The following EML5 variants were observed in gnomAD, a reference collection of about 807,000 sequenced individuals.
The protein encoded by EML5 is echinoderm microtubule-associated protein-like 5.
A neutral mutation model predicts 250.0 loss-of-function variants in EML5; 120 were observed. The observed-to-expected ratio is 0.48, with a 90% CI of 0.41 to 0.56. EML5 has a LOEUF of 0.56. Ranked by LOEUF, EML5 falls within the 20% of genes least tolerant of loss-of-function variation. The pLI is 0.00. For missense variants in EML5, 2,006 were observed against 2,437.6 expected (o/e 0.82, Z 3.73); for synonymous variants, 771 against 806.5 (o/e 0.96, Z 0.75).
At chr14:88,734,387 T>C (rs1185333143) in intron 7 of EML5, among the ~76,000 whole-genome samples, 1 of 152,130 alleles carries the variant, frequency 6.6e-6, no homozygotes, top group Non-Finnish European at 1.5e-5. Context: ...ATTTAGGCCA[T>C]GCATTCTCAA....
chr14:88,634,001 T>A (rs761218019), intron 33 of EML5, among the ~76,000 whole-genome samples: 1 of 152,176 alleles, frequency 6.6e-6, no homozygotes, highest in Non-Finnish European at 1.5e-5. Flanking sequence ...GCAAGTTTTT[T>A]ATAGAGTAAC....
intron 1 of EML5, among the ~76,000 whole-genome samples, chr14:88,759,698 A>AAAAAAAC (rs1555374468): frequency 7.0e-6 from 1 of 142,112 alleles, no homozygotes; most frequent in Non-Finnish European, 1.5e-5. Flanking sequence ...AAAAAAAAAA[A>AAAAAAAC]AAAAAACTGG....
In EML5 at chr14:88,652,873, C is replaced by T. The variant is rs370216270; in HGVS notation, c.4005-2947G>A. ...CAGAGACTTTATTAAAAAGTGATCT[C>T]TAAATTACTTTGGGCAGTATGGCCA... On this transcript the variant is annotated intron_variant, in intron 27 of 43. Transcript: ENST00000554922. Among the ~76,000 whole-genome samples, 348 of 152,212 alleles carry T rather than the reference C, an allele frequency of 2.3e-3. 2 individuals carry two copies. Among genetic ancestry groups the T allele is most frequent in the Middle Eastern group, 3.4e-3 (1 of 294 alleles).
chr14:88,776,489 C>T (rs1020973063), intron 1 of EML5, among the ~76,000 whole-genome samples: 1 of 151,822 alleles, frequency 6.6e-6, no homozygotes, highest in Non-Finnish European at 1.5e-5. Context: ...AAGAATGCAT[C>T]CAAGTCCTTT....
At chr14:88,709,977 T>C (rs2093377424) in intron 10 of EML5, among the ~76,000 whole-genome samples, 1 of 152,198 alleles carries the variant, frequency 6.6e-6, no homozygotes, top group Non-Finnish European at 1.5e-5. Context: ...ATATAAATTT[T>C]CATTTGTCAA....
intron 1 of EML5, among the ~76,000 whole-genome samples, chr14:88,768,306 G>A (rs1304686998): frequency 6.6e-6 from 1 of 152,286 alleles, no homozygotes; most frequent in East Asian, 1.9e-4. Flanking sequence ...GATACTGTGA[G>A]ACTATGCAAA....
Position 88,722,699 on chromosome 14 carries a change from G to A in EML5, c.1187+3842C>T, listed in dbSNP as rs144315929. Among the ~76,000 whole-genome samples the A allele has an allele frequency of 4.6e-3, 702 of 152,148 alleles. 5 individuals carry two copies. Among genetic ancestry groups the A allele is most frequent in the Non-Finnish European group, 7.6e-3 (515 of 68,012 alleles). ...ATTTATGCCTAGTGCTCCATTACTG[G>A]AACGCTAAGCTTGTGGGAATTATTT... is the stretch of plus-strand genomic sequence containing the variant. On this transcript the variant is annotated intron_variant, in intron 8 of 43. Coordinates refer to ENST00000554922, the MANE Select transcript of EML5 (RefSeq NM_183387.3).
chr14:88,681,607 C>T (rs2092714838), intron 21 of EML5, among the ~76,000 whole-genome samples: 1 of 152,116 alleles, frequency 6.6e-6, no homozygotes, highest in African/African-American at 2.4e-5. Context: ...AATCCATAGT[C>T]ACAAAGGAGA....
At chr14:88,773,064 T>A (rs550114940) in intron 1 of EML5, among the ~76,000 whole-genome samples, 5 of 152,260 alleles carry the variant, frequency 3.3e-5, no homozygotes, top group African/African-American at 1.2e-4. Flanking sequence ...GGTATCTGCA[T>A]GCCAGTGTTA....
At chr14:88,647,040 T>C in intron 28 of EML5, 85 bp from the exon 29 acceptor site, 1 of 1,307,332 alleles carries the variant, frequency 7.6e-7, no homozygotes. Flanking sequence ...TGTAATAAAA[T>C]ATTTTAACAA....
intron 1 of EML5, among the ~76,000 whole-genome samples, chr14:88,789,194 TCTAGA>T (rs1171503619): frequency 8.5e-5 from 13 of 152,112 alleles, no homozygotes; most frequent in Admixed American, 7.2e-4. Context: ...TAGTCTTAAA[TCTAGA>T]CTAGAGATTT....
At chr14:88,709,187 C>T (rs1290957488) in intron 10 of EML5, among the ~76,000 whole-genome samples, 1 of 151,610 alleles carries the variant, frequency 6.6e-6, no homozygotes, top group Non-Finnish European at 1.5e-5. Flanking sequence ...CTTTCTGACC[C>T]TAGTAAAAGT....
In EML5 at chr14:88,792,537, C is replaced by T; in HGVS notation, c.-34G>A. The stretch of plus-strand genomic sequence containing the variant: ...GCCCACCCGCCGCTCCCGCTCGGGC[C>T]CGCGGCGGCGACGGGAGGCGGCGGC... On this transcript the variant is annotated 5_prime_UTR_variant, in exon 1 of 44. Coordinates refer to ENST00000554922, the MANE Select transcript of EML5 (RefSeq NM_183387.3). The surrounding 1 kb of genome is among the most constrained non-coding windows in gnomAD (Gnocchi z 6.9). 8.0e-7 allele frequency: 1 copy of T among 1,245,336 alleles called. No individual in the cohort carries two copies. Among genetic ancestry groups the T allele is most frequent in the East Asian group, 3.3e-5 (1 of 30,344 alleles). The allele number at this position is 1,245,336 out of a possible 1,614,324, so 77.1% of individuals were successfully genotyped here.
In EML5 at chr14:88,613,673, A is replaced by G. The variant is rs2087170326; in HGVS notation, c.*2145T>C. On this transcript the variant is annotated 3_prime_UTR_variant, in exon 44 of 44. Transcript: ENST00000554922. ...AAGGGACCACAAAAAAAGGAAGGAA[A>G]TGAGCATGGTTGGCGATTGGAAGCA... is the stretch of plus-strand genomic sequence containing the variant. 1 of 152,130 alleles carries G rather than the reference A, an allele frequency of 6.6e-6. No homozygotes were observed. Among genetic ancestry groups the G allele is most frequent in the Non-Finnish European group, 1.5e-5 (1 of 68,030 alleles). 9.4% of individuals were successfully genotyped at this position (152,130 alleles called of 1,614,324 possible).
intron 1 of EML5, among the ~76,000 whole-genome samples, chr14:88,768,346 C>T (rs1389539739): frequency 6.6e-6 from 1 of 152,076 alleles, no homozygotes; most frequent in Non-Finnish European, 1.5e-5. Context: ...CTTTCACCCA[C>T]TAATTTTAGC....
At chr14:88,715,310 G>C in intron 8 of EML5, 115 bp from the exon 9 acceptor site, 1 of 1,054,948 alleles carries the variant, frequency 9.5e-7, no homozygotes, top group Non-Finnish European at 1.3e-6. Flanking sequence ...AAACTATAAA[G>C]TAAACATAAA....
At chr14:88,672,576 G>A (rs186728718) in intron 21 of EML5, among the ~76,000 whole-genome samples, 53 of 151,630 alleles carry the variant, frequency 3.5e-4, no homozygotes, top group East Asian at 3.5e-3. Context: ...ATAGAGACAC[G>A]AAAAGCGCGT....
At chr14:88,679,725 C>T (rs1246591573) in intron 21 of EML5, among the ~76,000 whole-genome samples, 1 of 151,812 alleles carries the variant, frequency 6.6e-6, no homozygotes, top group African/African-American at 2.4e-5. Context: ...AATAAAGGTG[C>T]TATAGTCCCT....
chr14:88,708,005 C>T (rs918283325), intron 10 of EML5, among the ~76,000 whole-genome samples: 1 of 152,118 alleles, frequency 6.6e-6, no homozygotes, highest in Non-Finnish European at 1.5e-5. Context: ...AAAGAGTTAT[C>T]TCAGCATCTG....
Sources: allele counts gnomAD v4.1 joint callset (sites outside exome capture counted in the v4.1 genomes callset), GRCh38; gene constraint gnomAD v4.1.1; non-coding constraint Gnocchi (gnomAD v3.1); transcripts MANE v1.5; gene names NCBI Gene and HGNC (gene_info 2026-07-23, HGNC 2026-07-21).